Variants in ARHGAP12 observed in about 807,000 individuals in gnomAD.
ARHGAP12 encodes the protein rho GTPase-activating protein 12.
In ARHGAP12, 64 loss-of-function variants were observed where a neutral mutation model predicts 108.6. That is an observed-to-expected ratio of 0.59 (90% CI 0.48 to 0.73). The LOEUF (loss-of-function observed/expected upper bound fraction) is 0.73, where lower values mean the gene tolerates loss of function less well. Ranked by LOEUF, ARHGAP12 falls within the 30% of genes least tolerant of loss-of-function variation. The pLI is 0.00. For missense variants in ARHGAP12, 940 were observed against 1,005.9 expected (o/e 0.93, Z 0.89); for synonymous variants, 312 against 337.2 (o/e 0.93, Z 0.82).
At chr10:31,867,937 C>A (rs918309312) in intron 3 of ARHGAP12, among the ~76,000 whole-genome samples, 3 of 152,002 alleles carry the variant, frequency 2.0e-5, no homozygotes, top group Non-Finnish European at 4.4e-5. Flanking sequence ...CAGTGGCTTA[C>A]ACCTGTAATC....
intron 6 of ARHGAP12, among the ~76,000 whole-genome samples, chr10:31,848,538 A>G (rs1836549568): frequency 6.6e-6 from 1 of 151,642 alleles, no homozygotes; most frequent in African/African-American, 2.4e-5. Context: ...CTCATCCTCC[A>G]TTTTTCTTAA....
At chr10:31,916,675 G>T (rs1839570132) in intron 1 of ARHGAP12, among the ~76,000 whole-genome samples, 1 of 152,112 alleles carries the variant, frequency 6.6e-6, no homozygotes. Context: ...GGAGTGCAGT[G>T]GCGCCATCTT....
chr10:31,859,387 T>C (rs1436128621), intron 4 of ARHGAP12, among the ~76,000 whole-genome samples: 1 of 152,214 alleles, frequency 6.6e-6, no homozygotes, highest in African/African-American at 2.4e-5. Flanking sequence ...GCCTCACAAT[T>C]GTGAGAGAAA....
chr10:31,927,057 G>C (rs887690362), intron 1 of ARHGAP12, among the ~76,000 whole-genome samples: 7 of 152,110 alleles, frequency 4.6e-5, no homozygotes, highest in Non-Finnish European at 1.0e-4. Flanking sequence ...TACACTTCTG[G>C]GGTTTCTTTT....
chr10:31,839,792 G>C (rs912321220), intron 7 of ARHGAP12, 81 bp from the exon 8 acceptor site: 11 of 1,128,204 alleles, frequency 9.8e-6, no homozygotes, highest in Non-Finnish European at 1.2e-5. Context: ...GGAGAGCTTA[G>C]TAAGAGAGAA....
intron 10 of ARHGAP12, 102 bp from the exon 11 acceptor site, chr10:31,826,487 T>C: frequency 1.2e-6 from 1 of 820,372 alleles, no homozygotes; most frequent in South Asian, 2.0e-5. Context: ...TTATCTACAA[T>C]TTACAGCCTT....
chr10:31,838,409 T>G (rs1169541196), intron 9 of ARHGAP12, among the ~76,000 whole-genome samples: 1 of 152,128 alleles, frequency 6.6e-6, no homozygotes, highest in South Asian at 2.1e-4. Context: ...AGGCTGGGTG[T>G]GGTAGCTCAC....
chr10:31,813,588 T>A (rs938046449), intron 14 of ARHGAP12, among the ~76,000 whole-genome samples: 1 of 152,122 alleles, frequency 6.6e-6, no homozygotes, highest in South Asian at 2.1e-4. Context: ...TACAGAAAAG[T>A]AGTACTGATT....
chr10:31,843,377 A>T (rs1041826980), intron 7 of ARHGAP12, 84 bp downstream of exon 7: 5 of 1,379,730 alleles, frequency 3.6e-6, no homozygotes, highest in Admixed American at 5.0e-5. Flanking sequence ...ATATTTACTA[A>T]ATACATAAAA....
At chr10:31,869,623 T>C (rs1486081322) in intron 3 of ARHGAP12, among the ~76,000 whole-genome samples, 1 of 152,220 alleles carries the variant, frequency 6.6e-6, no homozygotes, top group East Asian at 1.9e-4. Context: ...TATCTGTCAT[T>C]AATTAACAAT....
intron 2 of ARHGAP12, among the ~76,000 whole-genome samples, chr10:31,909,160 A>G (rs1473761480): frequency 6.6e-6 from 1 of 151,950 alleles, no homozygotes; most frequent in Admixed American, 6.5e-5. Flanking sequence ...AAAGCCGATA[A>G]CTGGAACAGT....
chr10:31,808,590 C>T, intron 19 of ARHGAP12, 59 bp downstream of exon 19: 1 of 1,494,404 alleles, frequency 6.7e-7, no homozygotes, highest in Non-Finnish European at 9.2e-7. Context: ...CCTGGCCCCA[C>T]AGGCCTTCCC....
At chr10:31,897,738 A>G (rs1372315838) in intron 3 of ARHGAP12, among the ~76,000 whole-genome samples, 1 of 152,202 alleles carries the variant, frequency 6.6e-6, no homozygotes, top group Non-Finnish European at 1.5e-5. Flanking sequence ...GGCATGCCAA[A>G]AGGCAAGAAA....
In ARHGAP12 at chr10:31,910,955, T is replaced by C. The variant is rs544065348; in HGVS notation, c.-110-392A>G. On this transcript the variant is annotated intron_variant, in intron 1 of 19. Coordinates refer to ENST00000344936, the MANE Select transcript of ARHGAP12 (RefSeq NM_018287.7). The stretch of plus-strand genomic sequence containing the variant: ...AATGGGTAAAGAGAATAAAAACGTA[T>C]GTTAAAAGTTATTAGGTGTCCTAAC... Among the ~76,000 whole-genome samples the C allele has an allele frequency of 3.5e-4, 54 of 152,338 alleles. No homozygotes were observed. In the South Asian group the frequency reaches 0.011, roughly 31 times the overall value.
chr10:31,840,106 G>A (rs1351038642), intron 7 of ARHGAP12, among the ~76,000 whole-genome samples: 1 of 151,880 alleles, frequency 6.6e-6, no homozygotes, highest in East Asian at 1.9e-4. Context: ...TAAATACCCA[G>A]GATTAGGCAA....
At position 31,872,033 on chromosome 10, in the gene ARHGAP12, A is replaced by G. The variant is rs1421956747; in HGVS notation, c.685-10375T>C. Among the ~76,000 whole-genome samples, 3 of 152,156 alleles carry G rather than the reference A, an allele frequency of 2.0e-5. No homozygotes were observed. The East Asian group carries it at 5.8e-4, about 29-fold the overall frequency. ...ACTTACGACACTAAACTCTAATCCC[A>G]GATTTACTTGTCTGCCTTTCCTTCT... On this transcript the variant is annotated intron_variant, in intron 3 of 19. Coordinates refer to ENST00000344936, the MANE Select transcript of ARHGAP12 (RefSeq NM_018287.7).
chr10:31,847,738 C>G (rs573534868), intron 6 of ARHGAP12, among the ~76,000 whole-genome samples: 1 of 152,066 alleles, frequency 6.6e-6, no homozygotes, highest in African/African-American at 2.4e-5. Context: ...GTCAACAGGG[C>G]TCCACCCCAC....
chr10:31,865,832 C>G (rs1486481681), intron 3 of ARHGAP12, among the ~76,000 whole-genome samples: 1 of 150,530 alleles, frequency 6.6e-6, no homozygotes, highest in South Asian at 2.1e-4. Context: ...GAGCCAAGAC[C>G]GCGACGCTGC....
intron 3 of ARHGAP12, among the ~76,000 whole-genome samples, chr10:31,863,736 A>C (rs879530281): frequency 6.6e-6 from 1 of 152,184 alleles, no homozygotes; most frequent in Non-Finnish European, 1.5e-5. Context: ...GTCTGTCTTT[A>C]GGAAATCTCA....
Sources: gnomAD v4.1 joint callset for allele counts (sites outside exome capture counted in the v4.1 genomes callset) on GRCh38, gnomAD v4.1.1 for gene constraint, MANE v1.5 for transcripts, NCBI Gene and HGNC (gene_info 2026-07-23, HGNC 2026-07-21) for gene names.